PBX3: variants seen among roughly 807,000 people sequenced by gnomAD.
PBX3 encodes PBX homeobox 3.
PBX3 carries 14 observed loss-of-function variants against 48.5 expected under a neutral mutation model. That is an observed-to-expected ratio of 0.29 (90% confidence interval 0.19 to 0.45). The LOEUF (loss-of-function observed/expected upper bound fraction) is 0.45, where lower values mean the gene tolerates loss of function less well. PBX3 is among the 20% of genes least tolerant of loss of function. PBX3 has a pLI of 1.00. For missense variants in PBX3, 386 were observed against 546.7 expected (o/e 0.71, Z 2.93); for synonymous variants, 210 against 200.3 (o/e 1.05, Z -0.41).
At chr9:125,873,027 G>A (rs1188198579) in intron 2 of PBX3, among the ~76,000 whole-genome samples, 2 of 151,334 alleles carry the variant, frequency 1.3e-5, no homozygotes, top group Non-Finnish European at 2.9e-5. Flanking sequence ...GTGAAACCCC[G>A]TCTCTACTAA....
chr9:125,952,270 AGCT>A (rs2118770959), intron 5 of PBX3, among the ~76,000 whole-genome samples: 1 of 152,344 alleles, frequency 6.6e-6, no homozygotes, highest in Admixed American at 6.5e-5. Flanking sequence ...TTTTAGTGTC[AGCT>A]GCTTCTTTCC....
chr9:125,810,295 C>A (rs1838250042), intron 2 of PBX3, among the ~76,000 whole-genome samples: 1 of 151,866 alleles, frequency 6.6e-6, no homozygotes, highest in South Asian at 2.1e-4. Context: ...AAGGGGCTTA[C>A]AATTTAAAGA....
At position 125,868,067 on chromosome 9, in the gene PBX3, G is replaced by T. The variant is rs1840032503; in HGVS notation, c.275-47619G>T. Among the ~76,000 whole-genome samples, 7 of 151,940 alleles carry T rather than the reference G, an allele frequency of 4.6e-5. 1 individual carries two copies. The highest frequency in any genetic ancestry group is 4.6e-4 in the Admixed American group (7 of 15,246). Reference sequence around the variant, plus strand: ...TTTTCATATTTTTTGTAGAGACAGGGTCTCACAATGTTGTCCAGGCTGGTC... The same window carrying T: ...TTTTCATATTTTTTGTAGAGACAGGTTCTCACAATGTTGTCCAGGCTGGTC... On this transcript the variant is annotated intron_variant, in intron 2 of 8. Transcript: ENST00000373489.
chr9:125,862,984 G>A (rs1246177810), intron 2 of PBX3, among the ~76,000 whole-genome samples: 1 of 151,790 alleles, frequency 6.6e-6, no homozygotes, highest in Non-Finnish European at 1.5e-5. Flanking sequence ...TGCAACCTCT[G>A]CCTCCTGGGC....
Position 125,857,948 on chromosome 9 carries a change from T to C in PBX3, c.275-57738T>C, listed in dbSNP as rs140897421. 2.6e-4 allele frequency among the ~76,000 whole-genome samples: 39 copies of C among 152,328 alleles called. 1 individual carries two copies. In the East Asian group the frequency reaches 6.9e-3, roughly 27 times the overall value. On this transcript the variant is annotated intron_variant, in intron 2 of 8. Coordinates refer to ENST00000373489, the MANE Select transcript of PBX3 (RefSeq NM_006195.6). ...GAAGTGCATTAGTTTTAAAAAGATG[T>C]AGTCAATTGGAGTAAGGCTGCCCTT...
intron 2 of PBX3, among the ~76,000 whole-genome samples, chr9:125,914,769 T>C (rs1841288041): frequency 6.6e-6 from 1 of 152,212 alleles, no homozygotes; most frequent in Non-Finnish European, 1.5e-5. Context: ...TTAATGAAAA[T>C]GCTGATTTTG....
At chr9:125,846,710 A>G (rs1237704368) in intron 2 of PBX3, among the ~76,000 whole-genome samples, 2 of 152,096 alleles carry the variant, frequency 1.3e-5, no homozygotes, top group Non-Finnish European at 2.9e-5. Context: ...TAAATATTTC[A>G]TCATGTACCC....
intron 5 of PBX3, among the ~76,000 whole-genome samples, chr9:125,954,696 C>T (rs867762176): frequency 2.7e-4 from 41 of 152,146 alleles, no homozygotes; most frequent in South Asian, 2.3e-3. Context: ...CCACCACGCC[C>T]GGCTAATTTT....
intron 2 of PBX3, among the ~76,000 whole-genome samples, chr9:125,864,333 G>A (rs1294688997): frequency 6.6e-6 from 1 of 152,070 alleles, no homozygotes; most frequent in Non-Finnish European, 1.5e-5. Flanking sequence ...TCCTAGATCA[G>A]CACTCCCCAA....
intron 2 of PBX3, among the ~76,000 whole-genome samples, chr9:125,870,585 C>T (rs1207609682): frequency 6.6e-6 from 1 of 152,192 alleles, no homozygotes; most frequent in Non-Finnish European, 1.5e-5. Flanking sequence ...TTACATCCCA[C>T]TGGGTCTGTC....
At chr9:125,921,883 A>G (rs1841465172) in intron 3 of PBX3, among the ~76,000 whole-genome samples, 1 of 152,182 alleles carries the variant, frequency 6.6e-6, no homozygotes, top group African/African-American at 2.4e-5. Flanking sequence ...GGGCTTTAGA[A>G]TATTATGATC....
intron 2 of PBX3, among the ~76,000 whole-genome samples, chr9:125,858,111 C>G (rs971581533): frequency 6.6e-6 from 1 of 152,152 alleles, no homozygotes; most frequent in African/African-American, 2.4e-5. Context: ...CTCCTATAAT[C>G]CCAGCACTTT....
At chr9:125,941,976 G>A (rs1307325666) in intron 5 of PBX3, among the ~76,000 whole-genome samples, 2 of 152,128 alleles carry the variant, frequency 1.3e-5, no homozygotes, top group South Asian at 4.1e-4. Context: ...GAAATGTACT[G>A]TAAAGAAAGG....
intron 2 of PBX3, among the ~76,000 whole-genome samples, chr9:125,873,867 T>TA (rs1488119980): frequency 2.6e-5 from 4 of 151,954 alleles, no homozygotes; most frequent in Non-Finnish European, 4.4e-5. Flanking sequence ...AAAACAAAGA[T>TA]ACAATGGAAA....
At chr9:125,802,105 T>G (rs1351453678) in intron 2 of PBX3, among the ~76,000 whole-genome samples, 1 of 152,114 alleles carries the variant, frequency 6.6e-6, no homozygotes, top group East Asian at 1.9e-4. Context: ...TTCCTAATTT[T>G]ATAATAATTT....
At chr9:125,798,636 T>G (rs964783851) in intron 2 of PBX3, among the ~76,000 whole-genome samples, 3 of 152,058 alleles carry the variant, frequency 2.0e-5, no homozygotes, top group African/African-American at 7.2e-5. Flanking sequence ...GGTAATTAAC[T>G]CTACAAAAAA....
chr9:125,767,268 G>A (rs370912920), intron 2 of PBX3, among the ~76,000 whole-genome samples: 23 of 152,160 alleles, frequency 1.5e-4, no homozygotes, highest in African/African-American at 5.1e-4. Flanking sequence ...AGGCTGATAT[G>A]TATGTCTAAA....
At chr9:125,786,161 C>T (rs1837451889) in intron 2 of PBX3, among the ~76,000 whole-genome samples, 1 of 152,100 alleles carries the variant, frequency 6.6e-6, no homozygotes, top group African/African-American at 2.4e-5. Flanking sequence ...TATGAGAAGG[C>T]CCAGTGAATA....
chr9:125,959,246 A>G (rs1842374409), intron 5 of PBX3, among the ~76,000 whole-genome samples: 1 of 152,266 alleles, frequency 6.6e-6, no homozygotes, highest in African/African-American at 2.4e-5. Flanking sequence ...TCTAGGGGGA[A>G]AAAATGATGG....
Sources: gnomAD v4.1 joint callset for allele counts (sites outside exome capture counted in the v4.1 genomes callset) on GRCh38, gnomAD v4.1.1 for gene constraint, MANE v1.5 for transcripts, NCBI Gene and HGNC (gene_info 2026-07-23, HGNC 2026-07-21) for gene names.